Variants in HSDL2 observed in about 807,000 individuals in gnomAD.
HSDL2 encodes hydroxysteroid dehydrogenase like 2.
A neutral mutation model predicts 46.3 loss-of-function variants in HSDL2; 27 were observed. That is an observed-to-expected ratio of 0.58 (90% CI 0.43 to 0.80). The LOEUF (loss-of-function observed/expected upper bound fraction) is 0.80. Among genes scored for constraint, HSDL2 ranks in the 30% least tolerant of loss-of-function variants. The probability of loss-of-function intolerance (pLI) is 0.00; values close to 1 mark genes in which losing one functional copy is unlikely to be tolerated. For missense variants in HSDL2, 451 were observed against 502.7 expected, an observed-to-expected ratio of 0.90 and a Z score of 0.98; for synonymous variants, 153 against 163.6, an observed-to-expected ratio of 0.94 and a Z score of 0.50.
chr9:112,469,346 T>A (rs1020600034), intron 10 of HSDL2, among the ~76,000 whole-genome samples: 1 of 152,084 alleles, frequency 6.6e-6, no homozygotes, highest in African/African-American at 2.4e-5. Flanking sequence ...ACACATATTG[T>A]GCCTTCTAGA....
Position 112,408,917 on chromosome 9 carries a change from T to G in HSDL2, c.291T>G (p.Ile97Met). 1 of 1,513,096 alleles carries G rather than the reference T, an allele frequency of 6.6e-7. No individual in the cohort carries two copies. The highest frequency in any genetic ancestry group is 9.1e-7 in the Non-Finnish European group (1 of 1,101,892). 93.7% of individuals were successfully genotyped at this position (1,513,096 alleles called of 1,614,324 possible). A position where few individuals can be genotyped will look rare whatever the true frequency, so the allele number is the denominator to read the frequency against. The change falls in exon 4 of 11, where the codon ATT becomes ATG. Residue 97 changes from isoleucine to methionine, a missense_variant. Transcript: ENST00000398805. Reference sequence around the variant, plus strand: ...TTATTTTGAAAACAGGAATTGATATTCTGGTAAATAATGCCAGTGCCATTA... The same window carrying G: ...TTATTTTGAAAACAGGAATTGATATGCTGGTAAATAATGCCAGTGCCATTA... ...KAIKKFGGID[I>M]LVNNASAISL...
At chr9:112,408,571 T>C (rs1027430635) in intron 3 of HSDL2, among the ~76,000 whole-genome samples, 1 of 152,242 alleles carries the variant, frequency 6.6e-6, no homozygotes, top group African/African-American at 2.4e-5. Flanking sequence ...CAAACATAGA[T>C]AGTCTAGCTG....
At chr9:112,462,616 G>A (rs999016072) in intron 10 of HSDL2, among the ~76,000 whole-genome samples, 4 of 150,752 alleles carry the variant, frequency 2.7e-5, no homozygotes, top group Non-Finnish European at 5.9e-5. Flanking sequence ...GTGTGTGTGT[G>A]TGTGTGTGTG....
At chr9:112,426,234 C>CTTTT (rs71382430) in intron 6 of HSDL2, among the ~76,000 whole-genome samples, 7 of 95,760 alleles carry the variant, frequency 7.3e-5, no homozygotes, top group Admixed American at 1.2e-4. Flanking sequence ...GGTAAGCCTT[C>CTTTT]TTTTTTTTTT....
chr9:112,464,303 A>C (rs1334655153), intron 10 of HSDL2, among the ~76,000 whole-genome samples: 2 of 152,066 alleles, frequency 1.3e-5, no homozygotes, highest in Non-Finnish European at 2.9e-5. Context: ...TTCTTTATAA[A>C]TTCTGGATGC....
intron 8 of HSDL2, among the ~76,000 whole-genome samples, chr9:112,448,730 T>A (rs1486343371): frequency 2.0e-5 from 3 of 151,252 alleles, no homozygotes; most frequent in East Asian, 2.0e-4. Flanking sequence ...TTTATTTTTT[T>A]ATTTTTAGTA....
chr9:112,445,155 A>C (rs1467520811), intron 8 of HSDL2, among the ~76,000 whole-genome samples: 2 of 152,204 alleles, frequency 1.3e-5, no homozygotes, highest in African/African-American at 4.8e-5. Context: ...CTGGGATTAC[A>C]GGCATGAGCT....
intron 1 of HSDL2, among the ~76,000 whole-genome samples, chr9:112,390,399 T>G (rs1483452799): frequency 1.3e-5 from 2 of 152,126 alleles, no homozygotes; most frequent in East Asian, 3.8e-4. Context: ...AATGTATTAG[T>G]CCCTTACTTC....
chr9:112,442,300 A>C (rs1051322863), intron 8 of HSDL2, among the ~76,000 whole-genome samples: 1 of 148,094 alleles, frequency 6.8e-6, no homozygotes, highest in Admixed American at 6.7e-5. Flanking sequence ...AAAAAGAAGA[A>C]GTTATTAATA....
intron 4 of HSDL2, among the ~76,000 whole-genome samples, chr9:112,414,450 A>T (rs1370468609): frequency 6.6e-6 from 1 of 152,208 alleles, no homozygotes; most frequent in Non-Finnish European, 1.5e-5. Flanking sequence ...GGCTGAAGGT[A>T]TCAGTATCTA....
At chr9:112,390,233 G>A (rs1318232838) in intron 1 of HSDL2, among the ~76,000 whole-genome samples, 1 of 152,080 alleles carries the variant, frequency 6.6e-6, no homozygotes, top group Admixed American at 6.6e-5. Flanking sequence ...AATTAAGGCA[G>A]TGTGATCATG....
chr9:112,444,909 ACCCCGTTG>A (rs993572995), intron 8 of HSDL2, among the ~76,000 whole-genome samples: 9 of 132,578 alleles, frequency 6.8e-5, no homozygotes, highest in Non-Finnish European at 1.4e-4. Flanking sequence ...ACTGGGTCTC[ACCCCGTTG>A]CCCAAGCTGG....
Position 112,405,571 on chromosome 9 carries a change from G to T in HSDL2, c.182-53G>T, listed in dbSNP as rs1337448251. On this transcript the variant is annotated intron_variant, in intron 2 of 10. Transcript: ENST00000398805. Reference sequence around the variant, plus strand: ...TTTTGACTGTGATATTGGAATTAAAGGTATAATATTTAAATGCTTTAACGC... The same window carrying T: ...TTTTGACTGTGATATTGGAATTAAATGTATAATATTTAAATGCTTTAACGC... 4.9e-6 allele frequency: 6 copies of T among 1,230,954 alleles called. No homozygotes were observed. In the Admixed American group the frequency reaches 1.1e-4, roughly 22 times the overall value. The allele number at this position is 1,230,954 out of a possible 1,614,324, so 76.3% of individuals were successfully genotyped here.
At chr9:112,440,930 C>T (rs1243984075) in intron 7 of HSDL2, among the ~76,000 whole-genome samples, 1 of 152,182 alleles carries the variant, frequency 6.6e-6, no homozygotes, top group Admixed American at 6.5e-5. Flanking sequence ...ATTGCTTGAA[C>T]CTGGGAGGCA....
intron 10 of HSDL2, among the ~76,000 whole-genome samples, chr9:112,466,484 C>T (rs776223175): frequency 7.3e-5 from 11 of 150,688 alleles, no homozygotes; most frequent in Admixed American, 3.3e-4. Flanking sequence ...ACCCAGGAGG[C>T]GGAGGCTGCA....
intron 1 of HSDL2, among the ~76,000 whole-genome samples, chr9:112,390,746 C>T (rs1276591038): frequency 3.3e-5 from 5 of 152,088 alleles, no homozygotes; most frequent in Non-Finnish European, 7.4e-5. Flanking sequence ...AGCTACCACA[C>T]CTGGCCTCAA....
intron 1 of HSDL2, among the ~76,000 whole-genome samples, chr9:112,382,534 T>C (rs1831121754): frequency 6.6e-6 from 1 of 152,224 alleles, no homozygotes; most frequent in South Asian, 2.1e-4. Context: ...CATTTGGTAA[T>C]ATCTCAAGAC....
intron 1 of HSDL2, among the ~76,000 whole-genome samples, chr9:112,386,009 G>A (rs1432260455): frequency 6.6e-6 from 1 of 151,766 alleles, no homozygotes; most frequent in Non-Finnish European, 1.5e-5. Flanking sequence ...TTGGGCCCAA[G>A]CAATCCACCC....
chr9:112,459,816 G>T (rs1216135681), intron 10 of HSDL2, among the ~76,000 whole-genome samples: 1 of 152,114 alleles, frequency 6.6e-6, no homozygotes, highest in Non-Finnish European at 1.5e-5. Flanking sequence ...ATAATGTTGG[G>T]AACAGTGAGA....
Sources: allele counts gnomAD v4.1 joint callset (sites outside exome capture counted in the v4.1 genomes callset), GRCh38; gene constraint gnomAD v4.1.1; transcripts MANE v1.5; gene names NCBI Gene and HGNC (gene_info 2026-07-23, HGNC 2026-07-21).